The following VEPH1 variants were observed in gnomAD, a reference collection of about 807,000 sequenced individuals.
The protein encoded by VEPH1 is ventricular zone-expressed PH domain-containing protein homolog 1.
In VEPH1, 80 loss-of-function variants were observed where a neutral mutation model predicts 85.2. The ratio of observed to expected loss-of-function variants is 0.94; its 90% CI spans 0.78 to 1.13. The LOEUF is 1.13. Among genes scored for constraint, VEPH1 ranks in the 50% most tolerant of loss-of-function variants. The pLI, the probability that VEPH1 is intolerant of heterozygous loss-of-function variation, is 0.00. For missense variants in VEPH1, 955 were observed against 980.5 expected, an observed-to-expected ratio of 0.97 and a Z score of 0.35; for synonymous variants, 297 against 348.0, an observed-to-expected ratio of 0.85 and a Z score of 1.63.
chr3:157,348,897 C>T (rs984059019), intron 9 of VEPH1, among the ~76,000 whole-genome samples: 1 of 152,206 alleles, frequency 6.6e-6, no homozygotes, highest in Non-Finnish European at 1.5e-5. Flanking sequence ...CCCTTGCAGC[C>T]TTCACCACTG....
At chr3:157,294,320 C>T (rs899213389) in intron 11 of VEPH1, among the ~76,000 whole-genome samples, 9 of 152,144 alleles carry the variant, frequency 5.9e-5, no homozygotes, top group Non-Finnish European at 8.8e-5. Flanking sequence ...TAAGTATTCA[C>T]CTTTTGGGTT....
chr3:157,369,254 C>G (rs981993881), intron 7 of VEPH1, among the ~76,000 whole-genome samples: 1 of 145,304 alleles, frequency 6.9e-6, no homozygotes, highest in Non-Finnish European at 1.5e-5. Context: ...CTTCTCCTGG[C>G]CCTTCAGGGT....
At chr3:157,446,888 T>A (rs1436871678) in intron 4 of VEPH1, among the ~76,000 whole-genome samples, 1 of 152,094 alleles carries the variant, frequency 6.6e-6, no homozygotes, top group Admixed American at 6.6e-5. Flanking sequence ...ACTTAATAAC[T>A]CTAAGAAATC....
chr3:157,500,829 C>A (rs1011715303), intron 1 of VEPH1, among the ~76,000 whole-genome samples: 8 of 152,162 alleles, frequency 5.3e-5, no homozygotes, highest in African/African-American at 1.9e-4. Flanking sequence ...CTAGACTCAA[C>A]TGGATTCCAA....
At chr3:157,461,834 G>A (rs980961863) in intron 3 of VEPH1, among the ~76,000 whole-genome samples, 2 of 151,854 alleles carry the variant, frequency 1.3e-5, no homozygotes, top group East Asian at 1.9e-4. Context: ...GACAACCCAG[G>A]AGAACATCTC....
At chr3:157,485,637 A>G (rs765318421) in intron 2 of VEPH1, among the ~76,000 whole-genome samples, 1 of 152,244 alleles carries the variant, frequency 6.6e-6, no homozygotes, top group East Asian at 1.9e-4. Context: ...CAACACAAAT[A>G]AAATGAAGAA....
chr3:157,385,166 C>T (rs530973295), intron 6 of VEPH1, among the ~76,000 whole-genome samples: 1 of 151,298 alleles, frequency 6.6e-6, no homozygotes, highest in East Asian at 1.9e-4. Flanking sequence ...CACATATGCC[C>T]TCCCTGTTTC....
chr3:157,311,538 A>G (rs1720110761), intron 11 of VEPH1, among the ~76,000 whole-genome samples: 1 of 152,256 alleles, frequency 6.6e-6, no homozygotes, highest in Non-Finnish European at 1.5e-5. Flanking sequence ...CATTGCAGAT[A>G]TCAAAGTTTT....
At chr3:157,474,060 G>T (rs976146955) in intron 2 of VEPH1, among the ~76,000 whole-genome samples, 1 of 151,886 alleles carries the variant, frequency 6.6e-6, no homozygotes, top group African/African-American at 2.4e-5. Context: ...TCAATATTTG[G>T]TCTTATGTTT....
intron 12 of VEPH1, among the ~76,000 whole-genome samples, chr3:157,274,533 T>C (rs930254517): frequency 6.6e-6 from 1 of 152,330 alleles, no homozygotes; most frequent in African/African-American, 2.4e-5. Flanking sequence ...GGGTCTCTTT[T>C]GTTGCTCAGG....
At position 157,437,688 on chromosome 3, in the gene VEPH1, G is replaced by A. The variant is rs1171437470; in HGVS notation, c.530-9200C>T. On this transcript the variant is annotated intron_variant, in intron 4 of 13. Transcript: ENST00000362010. Reference sequence around the variant, plus strand: ...GGCTCGCGGAAAGCCTGGCGAGGCCGTGCGCGCCGGGGGCTCCCGCAGAGG... The same window carrying A: ...GGCTCGCGGAAAGCCTGGCGAGGCCATGCGCGCCGGGGGCTCCCGCAGAGG... The A allele has an allele frequency of 5.9e-6, 9 of 1,533,654 alleles. No homozygotes were observed. The East Asian group carries it at 9.8e-5, about 17-fold the overall frequency.
At chr3:157,369,193 A>AAAAACAAAAAAAAAAAAAAC (rs1727180663) in intron 7 of VEPH1, among the ~76,000 whole-genome samples, 1 of 140,572 alleles carries the variant, frequency 7.1e-6, no homozygotes, top group Non-Finnish European at 1.6e-5. Context: ...AAAAAAAAAA[A>AAAAACAAAAAAAAAAAAAAC]AAAAAAAAAA....
chr3:157,360,901 A>G (rs1233649239), intron 9 of VEPH1, among the ~76,000 whole-genome samples: 3 of 152,216 alleles, frequency 2.0e-5, no homozygotes, highest in Non-Finnish European at 2.9e-5. Context: ...GTTTTTGACA[A>G]GTAGAAGTTT....
At chr3:157,449,528 C>T (rs988882289) in intron 4 of VEPH1, among the ~76,000 whole-genome samples, 3 of 152,112 alleles carry the variant, frequency 2.0e-5, no homozygotes, top group African/African-American at 7.2e-5. Flanking sequence ...GGGTTATTTA[C>T]CTATCTTACA....
intron 11 of VEPH1, among the ~76,000 whole-genome samples, chr3:157,292,983 CAAAAA>C (rs11349713): frequency 9.1e-6 from 1 of 110,080 alleles, no homozygotes. Flanking sequence ...AACTCCACCT[CAAAAA>C]AAAAAAAAAA....
At chr3:157,355,358 T>C (rs1210183229) in intron 9 of VEPH1, among the ~76,000 whole-genome samples, 2 of 152,200 alleles carry the variant, frequency 1.3e-5, no homozygotes, top group Non-Finnish European at 2.9e-5. Flanking sequence ...TAAATGAGCA[T>C]GGCAATCTCT....
At chr3:157,278,211 C>CG (rs1231345859) in intron 12 of VEPH1, among the ~76,000 whole-genome samples, 2 of 152,086 alleles carry the variant, frequency 1.3e-5, no homozygotes, top group Admixed American at 1.3e-4. Context: ...CAGTATGCAT[C>CG]GGGGGGTTAC....
At chr3:157,469,416 A>C (rs1428438510) in intron 3 of VEPH1, among the ~76,000 whole-genome samples, 1 of 152,216 alleles carries the variant, frequency 6.6e-6, no homozygotes, top group African/African-American at 2.4e-5. Context: ...ACCTGTGCTC[A>C]GTGGAACACA....
At chr3:157,291,519 T>C (rs1471838221) in intron 11 of VEPH1, among the ~76,000 whole-genome samples, 1 of 152,234 alleles carries the variant, frequency 6.6e-6, no homozygotes, top group African/African-American at 2.4e-5. Context: ...TCATAGCACC[T>C]GGTATCAGGA....
Sources: gnomAD v4.1 joint callset for allele counts (sites outside exome capture counted in the v4.1 genomes callset) on GRCh38, gnomAD v4.1.1 for gene constraint, MANE v1.5 for transcripts, NCBI Gene and HGNC (gene_info 2026-07-23, HGNC 2026-07-21) for gene names.